The following SLC49A4 variants were observed in gnomAD, a reference collection of about 807,000 sequenced individuals.
SLC49A4 encodes solute carrier family 49 member 4, also known as disrupted in renal cancer protein 2.
Under a neutral mutation model 50.6 loss-of-function variants are expected in SLC49A4, and 36 were observed. The ratio of observed to expected loss-of-function variants is 0.71; its 90% CI spans 0.55 to 0.94. SLC49A4 has a LOEUF of 0.94. Ranked by LOEUF, SLC49A4 falls within the 40% of genes least tolerant of loss-of-function variation. The pLI, the probability that SLC49A4 is intolerant of heterozygous loss-of-function variation, is 0.00. For synonymous variants in SLC49A4, 248 were observed against 241.2 expected (o/e 1.03, Z -0.26); for missense variants, 503 against 605.7 (o/e 0.83, Z 1.78).
chr3:122,806,635 C>A (rs1310278425), intron 1 of SLC49A4, among the ~76,000 whole-genome samples: 1 of 151,798 alleles, frequency 6.6e-6, no homozygotes, highest in East Asian at 1.9e-4. Flanking sequence ...CTCGGCCTCT[C>A]AAAGTGCAAG....
intron 4 of SLC49A4, among the ~76,000 whole-genome samples, chr3:122,843,450 C>T (rs1163834402): frequency 6.6e-6 from 1 of 152,158 alleles, no homozygotes; most frequent in South Asian, 2.1e-4. Context: ...AAAATAGACT[C>T]TTTTTAACAT....
rs1327237142 is a variant in SLC49A4, at chr3:122,828,284, T to C, written c.703+1219T>C. ...TTGTAAAATAGAGCAGGGAGTATTA[T>C]AAACCAAAGGCCTACAATTGCTCTG... On this transcript the variant is annotated intron_variant, in intron 3 of 8. Coordinates refer to ENST00000261038, the MANE Select transcript of SLC49A4 (RefSeq NM_032839.3). Among the ~76,000 whole-genome samples, 3 of 152,200 alleles carry C rather than the reference T, an allele frequency of 2.0e-5. 1 individual carries two copies. In the South Asian group the frequency reaches 6.2e-4, roughly 32 times the overall value.
chr3:122,861,090 C>G (rs903660644), intron 7 of SLC49A4, among the ~76,000 whole-genome samples: 5 of 152,298 alleles, frequency 3.3e-5, no homozygotes, highest in Middle Eastern at 6.8e-3. Context: ...CTTCTTCTTT[C>G]TTCCTCTTCC....
chr3:122,878,763 T>G (rs1221282717), intron 8 of SLC49A4, among the ~76,000 whole-genome samples: 1 of 152,224 alleles, frequency 6.6e-6, no homozygotes, highest in Non-Finnish European at 1.5e-5. Context: ...AAATATATTT[T>G]CTCATCTATT....
At chr3:122,806,125 C>T (rs927402202) in intron 1 of SLC49A4, among the ~76,000 whole-genome samples, 1 of 152,080 alleles carries the variant, frequency 6.6e-6, no homozygotes, top group East Asian at 1.9e-4. Context: ...TACTCTATCA[C>T]CTTAAAATAC....
chr3:122,843,675 G>A (rs1936809150), intron 4 of SLC49A4, among the ~76,000 whole-genome samples: 1 of 152,242 alleles, frequency 6.6e-6, no homozygotes, highest in South Asian at 2.1e-4. Flanking sequence ...TGAGGAGCCA[G>A]CACTTTTATT....
chr3:122,835,505 A>G (rs1936667644), intron 4 of SLC49A4, among the ~76,000 whole-genome samples: 1 of 152,176 alleles, frequency 6.6e-6, no homozygotes. Context: ...AGAATTAACA[A>G]CAAAAACAGT....
intron 2 of SLC49A4, among the ~76,000 whole-genome samples, chr3:122,808,828 T>G (rs1484353779): frequency 2.6e-5 from 4 of 152,144 alleles, no homozygotes; most frequent in African/African-American, 7.2e-5. Flanking sequence ...GTGGTCAAAT[T>G]CTGATCATCT....
At chr3:122,808,531 G>A (rs1936254913) in intron 2 of SLC49A4, among the ~76,000 whole-genome samples, 1 of 152,154 alleles carries the variant, frequency 6.6e-6, no homozygotes, top group Non-Finnish European at 1.5e-5. Flanking sequence ...AGGCTGGTGT[G>A]GCATGAGAAA....
Position 122,861,733 on chromosome 3 carries a change from A to T in SLC49A4, c.1138+1531A>T, listed in dbSNP as rs182050007. Among the ~76,000 whole-genome samples the T allele has an allele frequency of 2.2e-3, 334 of 152,314 alleles. 1 individual carries two copies. Among genetic ancestry groups the T allele is most frequent in the Middle Eastern group, 0.017 (5 of 294 alleles). Reference sequence around the variant, plus strand: ...GACAGCCATTTATTTGGGATTTCCTACCACTTTTACAGTGATAATAGGGCA... The same window carrying T: ...GACAGCCATTTATTTGGGATTTCCTTCCACTTTTACAGTGATAATAGGGCA... On this transcript the variant is annotated intron_variant, in intron 7 of 8. Coordinates refer to ENST00000261038, the MANE Select transcript of SLC49A4 (RefSeq NM_032839.3).
At chr3:122,833,239 TCAAAAAA>T in intron 3 of SLC49A4, 71 bp from the exon 4 acceptor site, 1 of 1,451,980 alleles carries the variant, frequency 6.9e-7, no homozygotes, top group African/African-American at 1.4e-5. Context: ...AGACCCTGTT[TCAAAAAA>T]CAAATAAATA....
intron 7 of SLC49A4, 73 bp downstream of exon 7, chr3:122,860,275 G>T: frequency 7.5e-7 from 1 of 1,336,830 alleles, no homozygotes; most frequent in South Asian, 2.0e-5. Context: ...CTGACAGTAG[G>T]ACTTCTTCTT....
intron 5 of SLC49A4, 87 bp from the exon 6 acceptor site, chr3:122,856,220 A>C: frequency 8.2e-7 from 1 of 1,223,034 alleles, no homozygotes; most frequent in Non-Finnish European, 1.2e-6. Context: ...AGCTACTAAC[A>C]TATTGATTAT....
chr3:122,815,770 G>A, intron 2 of SLC49A4, among the ~76,000 whole-genome samples: 1 of 152,160 alleles, frequency 6.6e-6, no homozygotes, highest in East Asian at 1.9e-4. Flanking sequence ...TTGTCCTCTG[G>A]AAAGCTCTTT....
At chr3:122,807,285 GAGA>G (rs1028246637) in intron 2 of SLC49A4, among the ~76,000 whole-genome samples, 2 of 152,044 alleles carry the variant, frequency 1.3e-5, no homozygotes, top group African/African-American at 4.8e-5. Flanking sequence ...TCGAGACTAG[GAGA>G]AGTTTTGGCT....
chr3:122,867,972 G>A (rs1230446836), intron 7 of SLC49A4, among the ~76,000 whole-genome samples: 2 of 152,094 alleles, frequency 1.3e-5, no homozygotes, highest in East Asian at 1.9e-4. Flanking sequence ...AAAATTAGCC[G>A]GGCATGGTGG....
At chr3:122,841,281 G>A (rs1936765545) in intron 4 of SLC49A4, among the ~76,000 whole-genome samples, 1 of 152,100 alleles carries the variant, frequency 6.6e-6, no homozygotes, top group South Asian at 2.1e-4. Context: ...GTAGCAAATT[G>A]TAATTGCCGT....
At chr3:122,824,504 G>A (rs552759286) in intron 2 of SLC49A4, among the ~76,000 whole-genome samples, 4 of 152,172 alleles carry the variant, frequency 2.6e-5, no homozygotes, top group East Asian at 3.9e-4. Flanking sequence ...GTTAAGCCAT[G>A]GCAATAATTT....
At chr3:122,865,237 G>C (rs1312278019) in intron 7 of SLC49A4, among the ~76,000 whole-genome samples, 2 of 152,228 alleles carry the variant, frequency 1.3e-5, no homozygotes, top group Non-Finnish European at 2.9e-5. Flanking sequence ...ATCATTAAAT[G>C]CTGAGGCAGA....
Sources: gnomAD v4.1 joint callset for allele counts (sites outside exome capture counted in the v4.1 genomes callset) on GRCh38, gnomAD v4.1.1 for gene constraint, MANE v1.5 for transcripts, NCBI Gene and HGNC (gene_info 2026-07-23, HGNC 2026-07-21) for gene names.